The following KCNIP4 variants were observed in gnomAD, a reference collection of about 807,000 sequenced individuals.
KCNIP4 encodes potassium voltage-gated channel interacting protein 4.
Under a neutral mutation model 34.0 loss-of-function variants are expected in KCNIP4, and 12 were observed. The ratio of observed to expected loss-of-function variants is 0.35; its 90% confidence interval spans 0.23 to 0.57. The LOEUF is 0.57. Ranked by LOEUF, KCNIP4 falls within the 20% of genes least tolerant of loss-of-function variation. The probability of loss-of-function intolerance (pLI) is 0.83; values close to 1 mark genes in which losing one functional copy is unlikely to be tolerated. For missense variants in KCNIP4, 238 were observed against 311.7 expected (o/e 0.76, Z 1.78); for synonymous variants, 124 against 102.2 (o/e 1.21, Z -1.29).
chr4:20,919,054 C>A (rs531269812), intron 1 of KCNIP4, among the ~76,000 whole-genome samples: 5 of 152,114 alleles, frequency 3.3e-5, no homozygotes, highest in Admixed American at 2.0e-4. Context: ...TAAAATGATA[C>A]AGAAAGTTAG....
chr4:20,894,248 C>T (rs1041829670), intron 1 of KCNIP4, among the ~76,000 whole-genome samples: 5 of 152,146 alleles, frequency 3.3e-5, no homozygotes, highest in African/African-American at 7.2e-5. Context: ...CCTTTAATAT[C>T]GGAAAGCAAG....
At position 21,478,082 on chromosome 4, in the gene KCNIP4, CT is replaced by C. The variant is rs1480489207; in HGVS notation, c.61+470488del. Among the ~76,000 whole-genome samples the C allele has an allele frequency of 2.0e-5, 3 of 152,182 alleles. No individual in the cohort carries two copies. In the East Asian group the frequency reaches 5.8e-4, roughly 29 times the overall value. ...ATTTATTGGAATAACCTTTGTTCTT[CT>C]TTTTGTATATTGCATTTTATTTTAT... On this transcript the variant is annotated intron_variant, in intron 1 of 8. Transcript: ENST00000382152.
At chr4:21,082,966 C>T (rs1746131810) in intron 1 of KCNIP4, among the ~76,000 whole-genome samples, 1 of 151,508 alleles carries the variant, frequency 6.6e-6, no homozygotes, top group South Asian at 2.1e-4. Flanking sequence ...TAAAGTAACT[C>T]TGTATTTTAG....
chr4:21,845,721 A>G (rs537533697), intron 1 of KCNIP4: 1 of 152,064 alleles, frequency 6.6e-6, no homozygotes, highest in Non-Finnish European at 1.5e-5. Flanking sequence ...CACCAGACTC[A>G]CTAACTGCCT....
chr4:20,882,474 G>C, intron 2 of KCNIP4, 134 bp downstream of exon 2: 1 of 662,584 alleles, frequency 1.5e-6, no homozygotes, highest in Non-Finnish European at 2.6e-6. Context: ...TGGGTATTTA[G>C]GTAAACATGA....
At chr4:20,977,562 A>G (rs939954619) in intron 1 of KCNIP4, among the ~76,000 whole-genome samples, 4 of 148,500 alleles carry the variant, frequency 2.7e-5, no homozygotes, top group Non-Finnish European at 4.5e-5. Flanking sequence ...GGTGAGGCAC[A>G]AGTTACCAAA....
intron 3 of KCNIP4, among the ~76,000 whole-genome samples, chr4:20,794,486 A>C (rs1044606127): frequency 1.3e-5 from 2 of 152,194 alleles, no homozygotes; most frequent in African/African-American, 4.8e-5. Context: ...AAACTTAATA[A>C]AATTATGTAC....
intron 4 of KCNIP4, among the ~76,000 whole-genome samples, chr4:20,756,352 C>G (rs1308793384): frequency 2.6e-5 from 4 of 152,120 alleles, no homozygotes; most frequent in Non-Finnish European, 5.9e-5. Context: ...ACTCCACTAT[C>G]CCATCGCATC....
chr4:21,147,097 C>A (rs556962098), intron 1 of KCNIP4, among the ~76,000 whole-genome samples: 1 of 152,112 alleles, frequency 6.6e-6, no homozygotes, highest in Admixed American at 6.5e-5. Context: ...CTCTGGCTTC[C>A]GGTTGGGCTC....
chr4:21,573,999 C>A (rs112235863), intron 1 of KCNIP4, among the ~76,000 whole-genome samples: 3 of 152,006 alleles, frequency 2.0e-5, no homozygotes, highest in African/African-American at 7.2e-5. Context: ...TGGGTGTCAA[C>A]GGCTTGGAAG....
chr4:21,803,974 A>G lies in KCNIP4; in HGVS notation c.61+144597T>C, dbSNP rs147421644. Among the ~76,000 whole-genome samples the G allele has an allele frequency of 3.3e-5, 5 of 152,334 alleles. No homozygotes were observed. In the East Asian group the frequency reaches 9.6e-4, roughly 29 times the overall value. On this transcript the variant is annotated intron_variant, in intron 1 of 8. Transcript: ENST00000382152. ...CAAACAAAGCCAGGCTCATTGCAAC[A>G]AGGGAGAAAGCAACCACGTGGAACC...
chr4:21,439,946 A>C (rs984894569), intron 1 of KCNIP4, among the ~76,000 whole-genome samples: 16 of 152,206 alleles, frequency 1.1e-4, no homozygotes, highest in Non-Finnish European at 2.1e-4. Flanking sequence ...CCACTTTATA[A>C]GCAAATTTCT....
At chr4:21,704,712 G>A (rs1378199853) in intron 1 of KCNIP4, among the ~76,000 whole-genome samples, 1 of 152,080 alleles carries the variant, frequency 6.6e-6, no homozygotes. Context: ...ATGGTGTCAA[G>A]ACCAAATGTT....
chr4:20,850,611 C>T lies in KCNIP4; in HGVS notation c.220G>A (p.Glu74Lys), dbSNP rs755301537. The change falls in exon 3 of 9, where the codon GAG (glutamate) becomes AAG (lysine). Residue 74 changes from glutamate to lysine, a missense_variant. Glu to Lys is a moderately conservative substitution (Grantham distance 56). Coordinates refer to ENST00000382152, the MANE Select transcript of KCNIP4 (RefSeq NM_025221.6). ...ATVRHRPEAL[E>K]LLEAQSKFTK... ...AATTTGCTCTGGGCTTCCAGAAGCT[C>T]AAGGGCTTCAGGCCGATGCCTGACG... 1.2e-6 allele frequency: 2 copies of T among 1,612,840 alleles called. No homozygotes were observed. Among genetic ancestry groups the T allele is most frequent in the South Asian group, 2.2e-5 (2 of 91,026 alleles).
At chr4:20,831,045 T>C (rs1382577690) in intron 3 of KCNIP4, among the ~76,000 whole-genome samples, 1 of 152,142 alleles carries the variant, frequency 6.6e-6, no homozygotes, top group East Asian at 1.9e-4. Flanking sequence ...GAGAGTGGGA[T>C]TGGTTGATCT....
chr4:20,794,285 A>G (rs1713164218), intron 3 of KCNIP4, among the ~76,000 whole-genome samples: 1 of 152,160 alleles, frequency 6.6e-6, no homozygotes. Context: ...CTGATTTGAT[A>G]GGAGTCGGAG....
At chr4:21,814,596 T>G (rs1207293338) in intron 1 of KCNIP4, among the ~76,000 whole-genome samples, 1 of 152,126 alleles carries the variant, frequency 6.6e-6, no homozygotes, top group Non-Finnish European at 1.5e-5. Context: ...AGGTACATCT[T>G]TATCAGCAGC....
intron 1 of KCNIP4, among the ~76,000 whole-genome samples, chr4:21,351,982 A>C (rs1718047349): frequency 6.6e-6 from 1 of 152,162 alleles, no homozygotes; most frequent in African/African-American, 2.4e-5. Context: ...ATCACATCAT[A>C]AGTTGAGGCT....
chr4:21,499,925 G>A (rs1182056313), intron 1 of KCNIP4, among the ~76,000 whole-genome samples: 2 of 152,008 alleles, frequency 1.3e-5, no homozygotes, highest in East Asian at 3.9e-4. Context: ...ACATATAAAA[G>A]AGAATGAATA....
Sources: gnomAD v4.1 joint callset for allele counts (sites outside exome capture counted in the v4.1 genomes callset) on GRCh38, gnomAD v4.1.1 for gene constraint, MANE v1.5 for transcripts, NCBI Gene and HGNC (gene_info 2026-07-23, HGNC 2026-07-21) for gene names.